Variants in CRADD observed in about 807,000 individuals in gnomAD.
CRADD encodes death domain-containing protein CRADD.
Under a neutral mutation model 15.5 loss-of-function variants are expected in CRADD, and 9 were observed. That is an observed-to-expected ratio of 0.58 (90% CI 0.35 to 1.01). CRADD has a LOEUF of 1.01. Ranked by LOEUF, CRADD falls within the 50% of genes least tolerant of loss-of-function variation. The pLI is 0.02. For synonymous variants in CRADD, 118 were observed against 107.6 expected (o/e 1.10, Z -0.60); for missense variants, 227 against 250.3 (o/e 0.91, Z 0.63).
intron 2 of CRADD, among the ~76,000 whole-genome samples, chr12:93,779,647 T>A (rs548414862): frequency 6.7e-6 from 1 of 149,528 alleles, no homozygotes; most frequent in South Asian, 2.1e-4. Context: ...TGGAGTGCAG[T>A]GGTGCAATCT....
chr12:93,766,996 G>T (rs1405660393), intron 2 of CRADD, among the ~76,000 whole-genome samples: 2 of 152,196 alleles, frequency 1.3e-5, no homozygotes, highest in African/African-American at 4.8e-5. Flanking sequence ...ATACTCAAGT[G>T]GGTGTGGACA....
In CRADD at chr12:93,698,249, A is replaced by ACT. The variant is rs573166753; in HGVS notation, c.298+19180_298+19181dup. Among the ~76,000 whole-genome samples, 805 of 151,894 alleles carry ACT rather than the reference A, an allele frequency of 5.3e-3. 3 individuals carry two copies. Among genetic ancestry groups the ACT allele is most frequent in the African/African-American group, 0.018 (760 of 41,394 alleles). ...GTTGGAAATTCCGTTTCAGAAGCCC[A>ACT]CTCTTTGCTAAACTCCAGTTACTTC... On this transcript the variant is annotated intron_variant, in intron 2 of 2. Transcript: ENST00000332896.
rs1957629287 is a variant in CRADD, at chr12:93,811,795, A to C, written c.299-38175A>C. On this transcript the variant is annotated intron_variant, in intron 2 of 2. Coordinates refer to ENST00000332896, the MANE Select transcript of CRADD (RefSeq NM_003805.5). ...CAATCCATCTCCTTGGTTTTTACCC[A>C]AAGGAATTGAAAACTTATGTCCACA... 2.6e-5 allele frequency among the ~76,000 whole-genome samples: 4 copies of C among 152,222 alleles called. No homozygotes were observed. In the South Asian group the frequency reaches 8.3e-4, roughly 32 times the overall value.
At chr12:93,860,357 A>G (rs1042029109) in intron 2 of CRADD, among the ~76,000 whole-genome samples, 4 of 152,204 alleles carry the variant, frequency 2.6e-5, no homozygotes, top group Admixed American at 1.3e-4. Context: ...TGGACCAATC[A>G]TGGAACCTTT....
chr12:93,894,615 G>A (rs1270434310), exon 3 of CRADD: 1 of 153,452 alleles, frequency 6.5e-6, no homozygotes, highest in South Asian at 2.0e-4. Context: ...GATGTGTTTT[G>A]TAATTTATAG....
At chr12:93,799,612 C>A (rs1403461243) in intron 2 of CRADD, among the ~76,000 whole-genome samples, 1 of 152,058 alleles carries the variant, frequency 6.6e-6, no homozygotes, top group Non-Finnish European at 1.5e-5. Flanking sequence ...TCTTTACCAC[C>A]CTAAGTTGTT....
At chr12:93,736,534 T>C (rs1200490172) in intron 2 of CRADD, among the ~76,000 whole-genome samples, 1 of 152,192 alleles carries the variant, frequency 6.6e-6, no homozygotes, top group Non-Finnish European at 1.5e-5. Context: ...TTCCCATCCA[T>C]GACAATTCAA....
At chr12:93,733,004 T>C (rs1478815302) in intron 2 of CRADD, among the ~76,000 whole-genome samples, 2 of 152,214 alleles carry the variant, frequency 1.3e-5, no homozygotes, top group Non-Finnish European at 2.9e-5. Flanking sequence ...ATCATTCTGC[T>C]CTGTGCCTCA....
At chr12:93,793,574 A>C (rs1957376448) in intron 2 of CRADD, among the ~76,000 whole-genome samples, 1 of 152,186 alleles carries the variant, frequency 6.6e-6, no homozygotes, top group Non-Finnish European at 1.5e-5. Context: ...AGCACTGTAT[A>C]ACAGGGTTTT....
At chr12:93,746,798 G>C (rs77128512) in intron 2 of CRADD, among the ~76,000 whole-genome samples, 1 of 135,778 alleles carries the variant, frequency 7.4e-6, no homozygotes, top group Non-Finnish European at 1.6e-5. Context: ...TTTTTTTTTT[G>C]AAGAAGGAAA....
At chr12:93,767,406 T>C (rs1304456840) in intron 2 of CRADD, among the ~76,000 whole-genome samples, 1 of 152,254 alleles carries the variant, frequency 6.6e-6, no homozygotes, top group Non-Finnish European at 1.5e-5. Flanking sequence ...GCTGTGATGC[T>C]TTGCATTTAT....
At chr12:93,680,583 T>A (rs1263941468) in intron 2 of CRADD, among the ~76,000 whole-genome samples, 1 of 152,238 alleles carries the variant, frequency 6.6e-6, no homozygotes, top group East Asian at 1.9e-4. Context: ...TGAGGACCAC[T>A]GGAATTCACT....
intron 2 of CRADD, among the ~76,000 whole-genome samples, chr12:93,765,962 G>T (rs959006519): frequency 6.6e-6 from 1 of 152,082 alleles, no homozygotes; most frequent in Admixed American, 6.5e-5. Context: ...TTTAAGAACC[G>T]CTAACAGAAG....
At chr12:93,865,104 G>A (rs1282177939) in intron 2 of CRADD, among the ~76,000 whole-genome samples, 2 of 152,210 alleles carry the variant, frequency 1.3e-5, no homozygotes, top group African/African-American at 4.8e-5. Context: ...TTGGTGCTCA[G>A]CTGTTCCCAG....
At chr12:93,722,572 A>G (rs1956283569) in intron 2 of CRADD, among the ~76,000 whole-genome samples, 1 of 151,980 alleles carries the variant, frequency 6.6e-6, no homozygotes, top group South Asian at 2.1e-4. Flanking sequence ...CTATTGATAC[A>G]TTCTTAAGCT....
At chr12:93,789,583 A>G (rs904186143) in intron 2 of CRADD, among the ~76,000 whole-genome samples, 5 of 152,150 alleles carry the variant, frequency 3.3e-5, no homozygotes, top group Non-Finnish European at 7.4e-5. Flanking sequence ...TTTGCTGGAG[A>G]TGAGGCATAG....
chr12:93,804,185 T>C (rs1399393516), intron 2 of CRADD, among the ~76,000 whole-genome samples: 1 of 152,058 alleles, frequency 6.6e-6, no homozygotes, highest in Non-Finnish European at 1.5e-5. Context: ...ATCTGTAGAG[T>C]AGGCACATCT....
At chr12:93,738,318 A>T in intron 2 of CRADD, 2 of 700,432 alleles carry the variant, frequency 2.9e-6, no homozygotes, top group Non-Finnish European at 5.2e-6. Context: ...GACCTCAGGC[A>T]TGGGCCCTGG....
chr12:93,876,911 G>C (rs1213278791), intron 2 of CRADD, among the ~76,000 whole-genome samples: 1 of 152,066 alleles, frequency 6.6e-6, no homozygotes, highest in Admixed American at 6.5e-5. Context: ...TGAAGAGTGA[G>C]GTATTTATTG....
Sources: gnomAD v4.1 joint callset for allele counts (sites outside exome capture counted in the v4.1 genomes callset) on GRCh38, gnomAD v4.1.1 for gene constraint, MANE v1.5 for transcripts, NCBI Gene and HGNC (gene_info 2026-07-23, HGNC 2026-07-21) for gene names.